Variants in CDH22 observed in about 807,000 individuals in gnomAD.
CDH22 encodes cadherin 22.
CDH22 carries 30 observed loss-of-function variants against 58.4 expected under a neutral mutation model. That is an observed-to-expected ratio of 0.51 (90% CI 0.38 to 0.70). The LOEUF (loss-of-function observed/expected upper bound fraction) is 0.70, where lower values mean the gene tolerates loss of function less well. Ranked by LOEUF, CDH22 falls within the 30% of genes least tolerant of loss-of-function variation. The pLI, the probability that CDH22 is intolerant of heterozygous loss-of-function variation, is 0.00. For missense variants in CDH22, 1,014 were observed against 1,233.9 expected, an observed-to-expected ratio of 0.82 and a Z score of 2.67; for synonymous variants, 513 against 558.2, an observed-to-expected ratio of 0.92 and a Z score of 1.14.
At chr20:46,213,444 T>C (rs1039009928) in intron 5 of CDH22, among the ~76,000 whole-genome samples, 11 of 152,210 alleles carry the variant, frequency 7.2e-5, no homozygotes, top group Non-Finnish European at 1.5e-4. Flanking sequence ...CCTGCAGTTC[T>C]TTGGGCCTCA....
In CDH22 at chr20:46,242,313, C is replaced by G. The variant is rs141509403; in HGVS notation, c.256-1056G>C. 3.4e-3 allele frequency among the ~76,000 whole-genome samples: 522 copies of G among 152,308 alleles called. 3 individuals are homozygous for G. Among genetic ancestry groups the G allele is most frequent in the African/African-American group, 0.012 (501 of 41,568 alleles). ...GACTCCACACTGGGCTTTCCCATTC[C>G]ATCTAAAGCCTCCGGAGAGGAGCCC... On this transcript the variant is annotated intron_variant, in intron 2 of 11. Coordinates refer to ENST00000537909, the MANE Select transcript of CDH22 (RefSeq NM_021248.3).
At chr20:46,264,876 ACACACACACCGTGCGCG>A (rs1271957781) in intron 1 of CDH22, among the ~76,000 whole-genome samples, 88 of 151,508 alleles carry the variant, frequency 5.8e-4, no homozygotes, top group East Asian at 9.7e-4. Flanking sequence ...CCGTGCGCAC[ACACACACACCGTGCGCG>A]CACACACACC....
At chr20:46,235,736 C>T (rs888004081) in intron 3 of CDH22, among the ~76,000 whole-genome samples, 2 of 152,192 alleles carry the variant, frequency 1.3e-5, no homozygotes, top group African/African-American at 4.8e-5. Flanking sequence ...ATCCAGAATT[C>T]CATCTTGTCT....
intron 1 of CDH22, among the ~76,000 whole-genome samples, chr20:46,298,092 G>A (rs2086636624): frequency 6.6e-6 from 1 of 152,078 alleles, no homozygotes; most frequent in African/African-American, 2.4e-5. Flanking sequence ...TTATCAGATC[G>A]GTACTTCAGA....
At chr20:46,209,494 T>C (rs149225038) in intron 7 of CDH22, among the ~76,000 whole-genome samples, 2,134 of 152,184 alleles carry the variant, frequency 0.014, 52 homozygotes, top group African/African-American at 0.049. Flanking sequence ...CAGGCTCTAG[T>C]TCACATTTGA....
At chr20:46,265,419 A>G (rs1338751761) in intron 1 of CDH22, among the ~76,000 whole-genome samples, 2 of 152,240 alleles carry the variant, frequency 1.3e-5, no homozygotes, top group African/African-American at 4.8e-5. Context: ...GAAAAGTCAT[A>G]AAATGAACCC....
In CDH22 at chr20:46,218,489, T is replaced by C. The variant is rs140738059; in HGVS notation, c.671-1496A>G. Among the ~76,000 whole-genome samples the C allele has an allele frequency of 2.8e-3, 429 of 152,286 alleles. 6 individuals are homozygous for C. Among genetic ancestry groups the C allele is most frequent in the Middle Eastern group, 0.02 (6 of 294 alleles). ...ATGTACACTCACTATGCTGTCACAC[T>C]CACCTGTATACACACATGCAACGTA... is the stretch of plus-strand genomic sequence containing the variant. On this transcript the variant is annotated intron_variant, in intron 4 of 11. Transcript: ENST00000537909.
At chr20:46,277,786 C>T (rs943546364) in intron 1 of CDH22, among the ~76,000 whole-genome samples, 1 of 151,568 alleles carries the variant, frequency 6.6e-6, no homozygotes, top group Non-Finnish European at 1.5e-5. Flanking sequence ...ATGGTTGTAA[C>T]GAGGAGGGGG....
intron 7 of CDH22, among the ~76,000 whole-genome samples, chr20:46,207,177 C>A (rs1203952579): frequency 6.6e-6 from 1 of 152,166 alleles, no homozygotes; most frequent in East Asian, 1.9e-4. Flanking sequence ...ATCTGAGGAG[C>A]CCCAGGGAAG....
At chr20:46,302,586 G>A (rs943977636) in intron 1 of CDH22, among the ~76,000 whole-genome samples, 7 of 152,136 alleles carry the variant, frequency 4.6e-5, no homozygotes, top group African/African-American at 9.7e-5. Flanking sequence ...CCCCGTCCCC[G>A]AACCTTGAGA....
At chr20:46,293,313 C>G (rs547336961) in intron 1 of CDH22, among the ~76,000 whole-genome samples, 1 of 152,154 alleles carries the variant, frequency 6.6e-6, no homozygotes. Context: ...ATGAAGCTGC[C>G]GCTACAGGGA....
intron 1 of CDH22, among the ~76,000 whole-genome samples, chr20:46,295,960 G>T (rs2145781092): frequency 6.6e-6 from 1 of 152,246 alleles, no homozygotes; most frequent in African/African-American, 2.4e-5. Flanking sequence ...TGGGGGTCTT[G>T]CTATGTTGCC....
chr20:46,247,888 G>C (rs563533597), intron 2 of CDH22, among the ~76,000 whole-genome samples: 31 of 152,336 alleles, frequency 2.0e-4, no homozygotes. Flanking sequence ...CAGGGCAGGG[G>C]CTCTGGGTGA....
chr20:46,286,249 C>T (rs892247794), intron 1 of CDH22, among the ~76,000 whole-genome samples: 1 of 152,134 alleles, frequency 6.6e-6, no homozygotes, highest in African/African-American at 2.4e-5. Flanking sequence ...AAGGGACATG[C>T]TCAAGCTGGA....
chr20:46,281,288 C>A (rs553043602), intron 1 of CDH22, among the ~76,000 whole-genome samples: 1 of 152,296 alleles, frequency 6.6e-6, no homozygotes, highest in East Asian at 1.9e-4. Flanking sequence ...GTTCAGGTGA[C>A]AGATGGGGCC....
At chr20:46,201,982 G>A (rs918113183) in intron 7 of CDH22, among the ~76,000 whole-genome samples, 5 of 152,146 alleles carry the variant, frequency 3.3e-5, no homozygotes, top group Non-Finnish European at 5.9e-5. Context: ...TGGGGATAAA[G>A]TGGCAAGTGA....
intron 3 of CDH22, among the ~76,000 whole-genome samples, chr20:46,227,923 T>C (rs1435607795): frequency 6.6e-6 from 1 of 152,238 alleles, no homozygotes; most frequent in Non-Finnish European, 1.5e-5. Context: ...TGAGTCTGTT[T>C]CCTCTTCAGC....
In CDH22 at chr20:46,241,216, G is replaced by A. The variant is rs2086288125; in HGVS notation, c.297C>T (p.Tyr99=). Residue 99 remains tyrosine (Y), a synonymous_variant, in exon 3 of 12, where the codon TAC becomes TAT. Transcript: ENST00000537909. The surrounding 1 kb of genome is among the most constrained non-coding windows in gnomAD (Gnocchi z 5.2). ...DSDEGDGAIK[Y]TISGEGAGTI... ...TCCCAGCACCCTCGCCTGAGATGGTGTACTTGATGGCCCCGTCACCCTCGT... is the reference window on the plus strand; with the variant it reads ...TCCCAGCACCCTCGCCTGAGATGGTATACTTGATGGCCCCGTCACCCTCGT... 1 of 1,613,008 alleles carries A rather than the reference G, an allele frequency of 6.2e-7. No homozygotes were observed. Among genetic ancestry groups the A allele is most frequent in the Non-Finnish European group, 8.5e-7 (1 of 1,179,178 alleles).
chr20:46,280,383 G>A (rs1259878832), intron 1 of CDH22, among the ~76,000 whole-genome samples: 2 of 152,196 alleles, frequency 1.3e-5, no homozygotes, highest in African/African-American at 2.4e-5. Context: ...TCGCGCCACC[G>A]CACTCCAGCC....
Sources: gnomAD v4.1 joint callset for allele counts (sites outside exome capture counted in the v4.1 genomes callset) on GRCh38, gnomAD v4.1.1 for gene constraint, Gnocchi (gnomAD v3.1) non-coding constraint, MANE v1.5 for transcripts, NCBI Gene and HGNC (gene_info 2026-07-23, HGNC 2026-07-21) for gene names.